The following MTA3 variants were observed in gnomAD, a reference collection of about 807,000 sequenced individuals.
The protein encoded by MTA3 is metastasis associated 1 family member 3, also known as metastasis-associated protein MTA3.
In MTA3, 34 loss-of-function variants were observed where a neutral mutation model predicts 83.5. The ratio of observed to expected loss-of-function variants is 0.41; its 90% CI spans 0.31 to 0.54. The LOEUF is 0.54. Ranked by LOEUF, MTA3 falls within the 20% of genes least tolerant of loss-of-function variation. The probability of loss-of-function intolerance (pLI) is 0.33; values close to 1 mark genes in which losing one functional copy is unlikely to be tolerated. For synonymous variants in MTA3, 303 were observed against 252.7 expected (o/e 1.20, Z -1.89); for missense variants, 761 against 726.4 (o/e 1.05, Z -0.55).
chr2:42,741,914 A>G (rs900451514), intron 16 of MTA3, among the ~76,000 whole-genome samples: 4 of 152,240 alleles, frequency 2.6e-5, no homozygotes, highest in Admixed American at 2.6e-4. Flanking sequence ...TGGTGTCAAT[A>G]GACTTGTTTA....
At chr2:42,723,348 A>G (rs1192985927) in intron 16 of MTA3, 1 of 251,578 alleles carries the variant, frequency 4.0e-6, no homozygotes, top group Non-Finnish European at 7.7e-6. Context: ...TGTTCATTTA[A>G]GTTTTCTTGA....
chr2:42,706,468 T>C (rs890300273), intron 12 of MTA3, among the ~76,000 whole-genome samples: 1 of 152,220 alleles, frequency 6.6e-6, no homozygotes, highest in Non-Finnish European at 1.5e-5. Flanking sequence ...TACAGTGTTA[T>C]TCCCGATAAA....
At chr2:42,509,145 C>T (rs1487204631) in intron 2 of MTA3, among the ~76,000 whole-genome samples, 2 of 151,990 alleles carry the variant, frequency 1.3e-5, no homozygotes, top group South Asian at 2.1e-4. Flanking sequence ...CAGGTTCAAG[C>T]GATTCCCTTG....
chr2:42,755,873 C>A lies in MTA3; in HGVS notation c.*2474C>A, dbSNP rs769095982. The stretch of plus-strand genomic sequence containing the variant: ...CACAGGCTCTGCAGGCTATCTCCCC[C>A]TCTGGCTCAGTCATCGCCTGCCCAC... On this transcript the variant is annotated 3_prime_UTR_variant, in exon 17 of 17. Transcript: ENST00000405094. 1 of 985,554 alleles carries A rather than the reference C, an allele frequency of 1.0e-6. No individual in the cohort carries two copies. The highest frequency in any genetic ancestry group is 1.2e-6 in the Non-Finnish European group (1 of 830,024). The allele number at this position is 985,554 out of a possible 1,614,324, so 61.1% of individuals were successfully genotyped here. A position where few individuals can be genotyped will look rare whatever the true frequency, so the allele number is the denominator to read the frequency against.
intron 14 of MTA3, chr2:42,709,446 C>T (rs769987694): frequency 6.6e-5 from 24 of 361,294 alleles, no homozygotes; most frequent in Middle Eastern, 9.9e-4. Context: ...AATGTAACCC[C>T]TAAGGATGCT....
rs184231141 is a variant in MTA3, at chr2:42,755,615, T to A, written c.*2216T>A. The A allele has an allele frequency of 1.3e-4, 125 of 985,614 alleles. 1 individual carries two copies. In the East Asian group the frequency reaches 0.011, roughly 88 times the overall value. The allele number at this position is 985,614 out of a possible 1,614,324, so 61.1% of individuals were successfully genotyped here. ...TTGTCTCTGGAAACTGCCCCCTCGT[T>A]CTGACAGAATCCCCCAGGCAATGGA... On this transcript the variant is annotated 3_prime_UTR_variant, in exon 17 of 17. Coordinates refer to ENST00000405094, the MANE Select transcript of MTA3 (RefSeq NM_001330442.2).
chr2:42,728,147 G>A (rs1476024477), intron 16 of MTA3, among the ~76,000 whole-genome samples: 1 of 151,978 alleles, frequency 6.6e-6, no homozygotes, highest in Non-Finnish European at 1.5e-5. Context: ...ATCTCCATGA[G>A]TTCAATTTTT....
upstream of MTA3, chr2:42,568,626 C>T (rs1482539048): frequency 1.4e-5 from 7 of 487,018 alleles, no homozygotes; most frequent in Non-Finnish European, 2.9e-6. Flanking sequence ...CCCTCCCTTC[C>T]CCCCCGTGGC....
At chr2:42,560,096 C>T (rs1317825314) in intron 2 of MTA3, among the ~76,000 whole-genome samples, 1 of 151,916 alleles carries the variant, frequency 6.6e-6, no homozygotes, top group Admixed American at 6.6e-5. Flanking sequence ...TGGAGTTTTG[C>T]TCTGTAACCT....
At chr2:42,530,501 A>G (rs571878247) in intron 2 of MTA3, among the ~76,000 whole-genome samples, 13 of 141,674 alleles carry the variant, frequency 9.2e-5, no homozygotes, top group South Asian at 9.0e-4. Flanking sequence ...GAAAAAAAAA[A>G]GGGCTGGGAG....
At chr2:42,698,411 T>C (rs982826587) in intron 11 of MTA3, 2 of 152,046 alleles carry the variant, frequency 1.3e-5, no homozygotes, top group African/African-American at 4.8e-5. Flanking sequence ...TTGTTTTAAA[T>C]GAGGCTGAGC....
upstream of MTA3, among the ~76,000 whole-genome samples, chr2:42,565,027 C>G (rs776277075): frequency 1.3e-5 from 2 of 152,126 alleles, no homozygotes; most frequent in Admixed American, 6.6e-5. Flanking sequence ...CCGCCGGCCT[C>G]GGCCTCCCAA....
intron 5 of MTA3, 56 bp from the exon 6 acceptor site, chr2:42,644,071 C>A: frequency 1.9e-6 from 2 of 1,065,676 alleles, no homozygotes; most frequent in South Asian, 1.6e-5. Flanking sequence ...GATTTTAATG[C>A]TTTATAAGAA....
intron 2 of MTA3, among the ~76,000 whole-genome samples, chr2:42,548,854 T>G (rs1676911721): frequency 3.7e-5 from 1 of 27,156 alleles, no homozygotes; most frequent in Non-Finnish European, 5.4e-5. Context: ...ATAATATATA[T>G]ATATAATATA....
At chr2:42,672,410 A>C (rs563512781) in intron 8 of MTA3, among the ~76,000 whole-genome samples, 41 of 151,914 alleles carry the variant, frequency 2.7e-4, no homozygotes, top group African/African-American at 9.4e-4. Flanking sequence ...TGGGAGGCCG[A>C]GGCGGGTGGA....
intron 8 of MTA3, among the ~76,000 whole-genome samples, chr2:42,666,279 AAAAAC>A (rs559182014): frequency 2.0e-5 from 3 of 152,198 alleles, no homozygotes; most frequent in Non-Finnish European, 4.4e-5. Flanking sequence ...TCCATCTGAA[AAAAAC>A]AAAACAAAAC....
At chr2:42,571,020 A>T (rs898213736) in intron 2 of MTA3, among the ~76,000 whole-genome samples, 3 of 152,058 alleles carry the variant, frequency 2.0e-5, no homozygotes, top group Non-Finnish European at 4.4e-5. Context: ...TCAAAAAAAA[A>T]TAAAAATAAA....
chr2:42,674,751 A>G (rs1390439738), intron 8 of MTA3, among the ~76,000 whole-genome samples: 2 of 151,440 alleles, frequency 1.3e-5, no homozygotes, highest in African/African-American at 4.8e-5. Context: ...GGCGCGTGCC[A>G]CCATGCCCGG....
chr2:42,635,757 T>A (rs1687129363), intron 4 of MTA3, among the ~76,000 whole-genome samples: 1 of 152,172 alleles, frequency 6.6e-6, no homozygotes, highest in Admixed American at 6.5e-5. Context: ...ACTCTGCATC[T>A]ATAGGAATTT....
Sources: allele counts gnomAD v4.1 joint callset (sites outside exome capture counted in the v4.1 genomes callset), GRCh38; gene constraint gnomAD v4.1.1; transcripts MANE v1.5; gene names NCBI Gene and HGNC (gene_info 2026-07-23, HGNC 2026-07-21).